Variants in FSHR observed in about 807,000 individuals in gnomAD.
The protein encoded by FSHR is follicle-stimulating hormone receptor.
FSHR carries 46 observed loss-of-function variants against 52.1 expected under a neutral mutation model. The observed-to-expected ratio is 0.88, with a 90% CI of 0.70 to 1.13. The LOEUF is 1.13. Ranked by LOEUF, FSHR falls within the 50% of genes most tolerant of loss-of-function variation. The probability of loss-of-function intolerance (pLI) is 0.00; values close to 1 mark genes in which losing one functional copy is unlikely to be tolerated. For missense variants in FSHR, 964 were observed against 834.6 expected (o/e 1.16, Z -1.91); for synonymous variants, 399 against 309.6 (o/e 1.29, Z -3.03).
At chr2:49,119,193 G>T (rs1671711060) in intron 1 of FSHR, among the ~76,000 whole-genome samples, 1 of 152,180 alleles carries the variant, frequency 6.6e-6, no homozygotes, top group South Asian at 2.1e-4. Flanking sequence ...TGGGGAATGT[G>T]ATAGTGGGGC....
intron 2 of FSHR, among the ~76,000 whole-genome samples, chr2:49,021,395 T>G (rs1667691209): frequency 6.6e-6 from 1 of 152,212 alleles, no homozygotes; most frequent in Non-Finnish European, 1.5e-5. Context: ...TGAGGAAGAC[T>G]CTTATGCAGT....
At chr2:48,980,973 A>G (rs1675221276) in intron 8 of FSHR, among the ~76,000 whole-genome samples, 1 of 152,202 alleles carries the variant, frequency 6.6e-6, no homozygotes, top group South Asian at 2.1e-4. Flanking sequence ...GAACAGATAG[A>G]GATGCCTTCT....
intron 1 of FSHR, among the ~76,000 whole-genome samples, chr2:49,152,212 A>G (rs1264901877): frequency 6.6e-6 from 1 of 152,108 alleles, no homozygotes; most frequent in Non-Finnish European, 1.5e-5. Context: ...TAATACGTAC[A>G]CTGAAGTAAG....
At position 49,073,579 on chromosome 2, in the gene FSHR, A is replaced by T. The variant is rs138273952; in HGVS notation, c.153-5289T>A. On this transcript the variant is annotated intron_variant, in intron 1 of 9. Transcript: ENST00000406846. The stretch of plus-strand genomic sequence containing the variant: ...ACAAATGTAAAGACATCCCATGTTC[A>T]TGGATCAGAATAATTAATATTGTTA... Among the ~76,000 whole-genome samples the T allele has an allele frequency of 4.4e-3, 669 of 152,216 alleles. 2 individuals carry two copies. The highest frequency in any genetic ancestry group is 7.3e-3 in the Non-Finnish European group (498 of 67,964).
intron 1 of FSHR, among the ~76,000 whole-genome samples, chr2:49,132,284 T>C (rs1259811085): frequency 6.6e-6 from 1 of 152,220 alleles, no homozygotes; most frequent in Non-Finnish European, 1.5e-5. Context: ...ACTCTGTTGG[T>C]GAAATTACTT....
At chr2:49,149,381 A>G (rs1427691459) in intron 1 of FSHR, among the ~76,000 whole-genome samples, 1 of 152,060 alleles carries the variant, frequency 6.6e-6, no homozygotes, top group Non-Finnish European at 1.5e-5. Flanking sequence ...AACGAATCCA[A>G]GAGTCCTTTT....
At chr2:49,020,239 G>A (rs901962165) in intron 2 of FSHR, 79 bp from the exon 3 acceptor site, 1 of 1,173,404 alleles carries the variant, frequency 8.5e-7, no homozygotes, top group Non-Finnish European at 1.3e-6. Flanking sequence ...ATAGAGCCTT[G>A]TGTCTGGGAG....
chr2:49,109,190 T>G (rs1671340585), intron 1 of FSHR, among the ~76,000 whole-genome samples: 1 of 152,096 alleles, frequency 6.6e-6, no homozygotes, highest in Non-Finnish European at 1.5e-5. Flanking sequence ...ATGAGCAGTG[T>G]GTTCTAGGCC....
chr2:49,143,462 G>C (rs1016557571), intron 1 of FSHR, among the ~76,000 whole-genome samples: 1 of 152,148 alleles, frequency 6.6e-6, no homozygotes, highest in African/African-American at 2.4e-5. Flanking sequence ...TTTGGTACCT[G>C]TGACAAGAAG....
intron 8 of FSHR, among the ~76,000 whole-genome samples, chr2:48,980,417 C>G (rs1573038558): frequency 6.6e-6 from 1 of 152,214 alleles, no homozygotes; most frequent in South Asian, 2.1e-4. Flanking sequence ...CACAGAGGCT[C>G]TCTTCCTGCC....
chr2:49,004,509 C>G (rs1021340406), intron 4 of FSHR, among the ~76,000 whole-genome samples: 1 of 152,204 alleles, frequency 6.6e-6, no homozygotes, highest in Non-Finnish European at 1.5e-5. Flanking sequence ...GGCAGTGACA[C>G]TGGGAGCCCC....
At chr2:49,100,139 T>A (rs1298650564) in intron 1 of FSHR, among the ~76,000 whole-genome samples, 1 of 152,130 alleles carries the variant, frequency 6.6e-6, no homozygotes, top group Non-Finnish European at 1.5e-5. Flanking sequence ...TCATTCCAAG[T>A]TTCTAGATGA....
intron 8 of FSHR, among the ~76,000 whole-genome samples, chr2:48,978,888 G>C (rs964327897): frequency 6.6e-6 from 1 of 152,172 alleles, no homozygotes; most frequent in Admixed American, 6.5e-5. Flanking sequence ...TCATCAGTTT[G>C]AGTGTGTGCC....
At chr2:48,993,283 C>A (rs538361953) in intron 4 of FSHR, among the ~76,000 whole-genome samples, 1 of 152,280 alleles carries the variant, frequency 6.6e-6, no homozygotes, top group African/African-American at 2.4e-5. Context: ...ATTGACATAG[C>A]CAACTAAACT....
chr2:49,016,237 A>G (rs991047348), intron 4 of FSHR, among the ~76,000 whole-genome samples: 3 of 152,158 alleles, frequency 2.0e-5, no homozygotes, highest in Non-Finnish European at 2.9e-5. Context: ...AATACTTTAA[A>G]CTGATTTCAA....
chr2:49,061,645 A>T (rs1015941036), intron 2 of FSHR, among the ~76,000 whole-genome samples: 1 of 143,638 alleles, frequency 7.0e-6, no homozygotes, highest in Non-Finnish European at 1.5e-5. Flanking sequence ...TATAATATAT[A>T]TAACTATATA....
chr2:49,052,618 T>C (rs1238396795), intron 2 of FSHR, among the ~76,000 whole-genome samples: 1 of 152,194 alleles, frequency 6.6e-6, no homozygotes, highest in Non-Finnish European at 1.5e-5. Flanking sequence ...GTCATTTCCT[T>C]GTTATTCCCA....
intron 1 of FSHR, among the ~76,000 whole-genome samples, chr2:49,116,262 G>A (rs1671596450): frequency 6.6e-6 from 1 of 152,034 alleles, no homozygotes; most frequent in Admixed American, 6.6e-5. Context: ...TTTAAGCAAG[G>A]GACTAAAGTC....
At chr2:49,154,153 C>A (rs1673161775) in intron 1 of FSHR, 113 bp downstream of exon 1, 1 of 1,196,932 alleles carries the variant, frequency 8.4e-7, no homozygotes, top group Non-Finnish European at 1.2e-6. Flanking sequence ...GGACTTCGGT[C>A]AAGGGGCAGA....
Sources: gnomAD v4.1 joint callset for allele counts (sites outside exome capture counted in the v4.1 genomes callset) on GRCh38, gnomAD v4.1.1 for gene constraint, MANE v1.5 for transcripts, NCBI Gene and HGNC (gene_info 2026-07-23, HGNC 2026-07-21) for gene names.